Variants in ITGB3 observed in about 807,000 individuals in gnomAD.
The protein encoded by ITGB3 is integrin beta-3.
ITGB3 carries 48 observed loss-of-function variants against 85.8 expected under a neutral mutation model. That is an observed-to-expected ratio of 0.56 (90% CI 0.44 to 0.71). The LOEUF is 0.71. Among genes scored for constraint, ITGB3 ranks in the 30% least tolerant of loss-of-function variants. ITGB3 has a pLI of 0.00. For missense variants in ITGB3, 861 were observed against 1,019.1 expected (o/e 0.84, Z 2.11); for synonymous variants, 363 against 395.6 (o/e 0.92, Z 0.98).
intron 1 of ITGB3, among the ~76,000 whole-genome samples, chr17:47,263,072 G>C (rs903890733): frequency 6.6e-6 from 1 of 152,212 alleles, no homozygotes; most frequent in Non-Finnish European, 1.5e-5. Flanking sequence ...GCACCAGAGA[G>C]ATGAAGGGAT....
rs1234577937 is a variant in ITGB3 at position 47,299,980 on chromosome 17, G to A, written c.1913+450G>A. ...GCCATTCTGCTTACCACTTTAAGCA[G>A]GGCCAGATTTACGAGTGTGCAACCT... On this transcript the variant is annotated intron_variant, in intron 11 of 14. Coordinates refer to ENST00000559488, the MANE Select transcript of ITGB3 (RefSeq NM_000212.3). This position sits in a 1 kb window ranked among gnomAD's most constrained non-coding sequence, Gnocchi z 5.1. 6.6e-6 allele frequency among the ~76,000 whole-genome samples: 1 copy of A among 152,086 alleles called. No individual in the cohort carries two copies. The highest frequency in any genetic ancestry group is 6.6e-5 in the Admixed American group (1 of 15,254).
At chr17:47,293,152 G>A (rs7214096) in intron 10 of ITGB3, among the ~76,000 whole-genome samples, 19,443 of 152,176 alleles carry the variant, frequency 0.13, 1,386 homozygotes, top group Non-Finnish European at 0.16. Flanking sequence ...ACATTTCAAC[G>A]TGATAGAAAG....
At chr17:47,289,563 G>C in intron 6 of ITGB3, 118 bp from the exon 7 acceptor site, 1 of 750,444 alleles carries the variant, frequency 1.3e-6, no homozygotes, top group Non-Finnish European at 2.3e-6. Flanking sequence ...AGCATGAAGT[G>C]AAATGGTTTA....
chr17:47,283,893 G>GA (rs2065093278), intron 3 of ITGB3, among the ~76,000 whole-genome samples: 1 of 152,202 alleles, frequency 6.6e-6, no homozygotes, highest in Non-Finnish European at 1.5e-5. Context: ...AGGTGCAAAT[G>GA]AGATATAGAA....
In ITGB3 at chr17:47,312,444, G is replaced by A. The variant is rs1267334594; in HGVS notation, c.*2240G>A. On this transcript the variant is annotated 3_prime_UTR_variant, in exon 15 of 15. Transcript: ENST00000559488. ...TAGTCATGGATCCAAGAAGTCCTTA[G>A]AAATAGTGGCAGGGAACAGGTGTGG... 6.6e-6 allele frequency among the ~76,000 whole-genome samples: 1 copy of A among 152,190 alleles called. No individual in the cohort carries two copies. Among genetic ancestry groups the A allele is most frequent in the African/African-American group, 2.4e-5 (1 of 41,444 alleles).
intron 13 of ITGB3, 67 bp downstream of exon 13, chr17:47,302,907 A>ATC: frequency 1.3e-6 from 2 of 1,580,576 alleles, no homozygotes; most frequent in Non-Finnish European, 1.7e-6. Context: ...TTAGGCAGGA[A>ATC]TCTCTACTCA....
chr17:47,290,358 GTTGCCAGTCTACCACACGGTC>G (rs2065120197), intron 8 of ITGB3, 84 bp downstream of exon 8: 1 of 1,155,532 alleles, frequency 8.7e-7, no homozygotes, highest in Non-Finnish European at 1.3e-6. Flanking sequence ...GTGAGTCCCA[GTTGCCAGTCTACCACACGGTC>G]TTACTGCCTT....
intron 13 of ITGB3, among the ~76,000 whole-genome samples, chr17:47,306,175 A>G (rs1364803270): frequency 1.3e-5 from 2 of 152,248 alleles, no homozygotes; most frequent in Non-Finnish European, 2.9e-5. Context: ...GGATTCTGGT[A>G]AACTAGAAAA....
At position 47,279,052 on chromosome 17, in the gene ITGB3, C is replaced by T. The variant is rs1318915186; in HGVS notation, c.166-4302C>T. ...TCACAGTCTTCTTTTACTTCCTGAC[C>T]AACCCTGTGAAATAGGCAGGATAAT... On this transcript the variant is annotated intron_variant, in intron 2 of 14. Coordinates refer to ENST00000559488, the MANE Select transcript of ITGB3 (RefSeq NM_000212.3). 2.0e-5 allele frequency among the ~76,000 whole-genome samples: 3 copies of T among 152,122 alleles called. No homozygotes were observed. The East Asian group carries it at 5.8e-4, about 29-fold the overall frequency.
Position 47,312,497 on chromosome 17 carries a change from A to G in ITGB3, c.*2293A>G, listed in dbSNP as rs999831726. Among the ~76,000 whole-genome samples the G allele has an allele frequency of 3.3e-5, 5 of 152,228 alleles. No individual in the cohort carries two copies. Among genetic ancestry groups the G allele is most frequent in the African/African-American group, 9.6e-5 (4 of 41,454 alleles). On this transcript the variant is annotated 3_prime_UTR_variant, in exon 15 of 15. Transcript: ENST00000559488. ...GCTCATGCCTGTAATTATAACCTTC[A>G]GCTACTAAGACAGGTGTGGTGGCTC...
At chr17:47,272,303 C>T (rs2065047126) in intron 1 of ITGB3, among the ~76,000 whole-genome samples, 1 of 152,076 alleles carries the variant, frequency 6.6e-6, no homozygotes, top group Non-Finnish European at 1.5e-5. Flanking sequence ...ATCCGCCGGT[C>T]TCGGCCTCCC....
rs371006520 is a variant in ITGB3, at chr17:47,290,258, T to C, written c.1109T>C (p.Ile370Thr). ...GATTCCAGCAATGTCCTCCAGCTCA[T>C]TGTTGATGCTTATGGGGTAAGTGTC... ...SMDSSNVLQL[I>T]VDAYGKIRSK... The change falls in exon 8 of 15, where the codon ATT (isoleucine) becomes ACT (threonine). Residue 370 changes from isoleucine to threonine, a missense_variant. Ile to Thr is a moderately conservative substitution (Grantham distance 89). Coordinates refer to ENST00000559488, the MANE Select transcript of ITGB3 (RefSeq NM_000212.3). 18 of 1,613,684 alleles carry C rather than the reference T, an allele frequency of 1.1e-5. No homozygotes were observed. The highest frequency in any genetic ancestry group is 1.5e-5 in the Non-Finnish European group (18 of 1,179,780).
chr17:47,255,193 G>A (rs1005761586), intron 1 of ITGB3, among the ~76,000 whole-genome samples: 5 of 151,924 alleles, frequency 3.3e-5, no homozygotes, highest in African/African-American at 9.7e-5. Context: ...TGGCCAGGCT[G>A]GTCTGGAGCT....
In ITGB3 at chr17:47,258,015, A is replaced by G. The variant is rs565076563; in HGVS notation, c.79+4075A>G. Among the ~76,000 whole-genome samples, 16 of 152,316 alleles carry G rather than the reference A, an allele frequency of 1.1e-4. No homozygotes were observed. The South Asian group carries it at 3.1e-3, about 30-fold the overall frequency. On this transcript the variant is annotated intron_variant, in intron 1 of 14. Transcript: ENST00000559488. The stretch of plus-strand genomic sequence containing the variant: ...GGATCTGAGGTTATCATCCCCTCCC[A>G]GTCCCAAGAACCCTTCTTCCCTTGT...
chr17:47,254,497 C>G (rs776503452), intron 1 of ITGB3, among the ~76,000 whole-genome samples: 10 of 152,078 alleles, frequency 6.6e-5, no homozygotes, highest in Middle Eastern at 3.4e-3. Flanking sequence ...CTTTTTTTTA[C>G]CTTCAACTTG....
chr17:47,292,654 G>A lies in ITGB3; in HGVS notation c.1690+86G>A, dbSNP rs2065131969. The A allele has an allele frequency of 1.7e-5, 24 of 1,418,664 alleles. No individual in the cohort carries two copies. The South Asian group carries it at 2.6e-4, about 15-fold the overall frequency. 87.9% of individuals were successfully genotyped at this position (1,418,664 alleles called of 1,614,324 possible). On this transcript the variant is annotated intron_variant, in intron 10 of 14. Coordinates refer to ENST00000559488, the MANE Select transcript of ITGB3 (RefSeq NM_000212.3). ...ACTGGAAACATAGGTGAAGGCCTGA[G>A]ATGGGTCTTTGCAGGCAGAGGTGTA...
chr17:47,272,413 T>C (rs2065047607), intron 1 of ITGB3, among the ~76,000 whole-genome samples: 1 of 152,294 alleles, frequency 6.6e-6, no homozygotes, highest in African/African-American at 2.4e-5. Context: ...CCCTTTTTTT[T>C]GAGACAGAGT....
chr17:47,274,545 A>T (rs2065056296), intron 2 of ITGB3, 41 bp downstream of exon 2: 18 of 1,568,626 alleles, frequency 1.1e-5, no homozygotes, highest in Non-Finnish European at 1.5e-5. Flanking sequence ...CTCCAGACTA[A>T]GCTGCTTTTG....
chr17:47,277,734 C>T (rs2065069004), intron 2 of ITGB3, among the ~76,000 whole-genome samples: 1 of 152,118 alleles, frequency 6.6e-6, no homozygotes, highest in South Asian at 2.1e-4. Flanking sequence ...CCTGAGTACA[C>T]CCTGGAAGGT....
Sources: allele counts gnomAD v4.1 joint callset (sites outside exome capture counted in the v4.1 genomes callset), GRCh38; gene constraint gnomAD v4.1.1; non-coding constraint Gnocchi (gnomAD v3.1); transcripts MANE v1.5; gene names NCBI Gene and HGNC (gene_info 2026-07-23, HGNC 2026-07-21).